Variants in CADM1 observed in about 807,000 individuals in gnomAD.
CADM1 encodes TSLC-1.
In CADM1, 15 loss-of-function variants were observed where a neutral mutation model predicts 53.1. The observed-to-expected ratio is 0.28, with a 90% CI of 0.19 to 0.44. CADM1 has a LOEUF of 0.44. Among genes scored for constraint, CADM1 ranks in the 20% least tolerant of loss-of-function variants. The pLI is 1.00. For synonymous variants in CADM1, 281 were observed against 243.0 expected (o/e 1.16, Z -1.45); for missense variants, 434 against 611.3 (o/e 0.71, Z 3.06).
chr11:115,380,493 T>G (rs1480237737), intron 1 of CADM1, among the ~76,000 whole-genome samples: 1 of 152,176 alleles, frequency 6.6e-6, no homozygotes, highest in East Asian at 1.9e-4. Flanking sequence ...ACCAAGTGAT[T>G]TAAGGGGAAA....
rs1453909993 is a variant in CADM1 at position 115,446,836 on chromosome 11, A to G, written c.124+57435T>C. Reference sequence around the variant, plus strand: ...GAGGAGAGAAGCTAGGTTGAGAAAAAGTAACATTTCAAATAAAAAACCAGG... The same window carrying G: ...GAGGAGAGAAGCTAGGTTGAGAAAAGGTAACATTTCAAATAAAAAACCAGG... On this transcript the variant is annotated intron_variant, in intron 1 of 11. Transcript: ENST00000331581. Among the ~76,000 whole-genome samples, 5 of 152,144 alleles carry G rather than the reference A, an allele frequency of 3.3e-5. No individual in the cohort carries two copies. The East Asian group carries it at 9.6e-4, about 29-fold the overall frequency.
intron 8 of CADM1, among the ~76,000 whole-genome samples, chr11:115,204,262 C>G (rs1183015642): frequency 1.3e-5 from 2 of 152,164 alleles, no homozygotes; most frequent in Non-Finnish European, 1.5e-5. Context: ...CCTTTCTTAT[C>G]CACATTTTGT....
intron 1 of CADM1, among the ~76,000 whole-genome samples, chr11:115,365,618 T>C (rs1946137204): frequency 6.6e-6 from 1 of 152,136 alleles, no homozygotes; most frequent in South Asian, 2.1e-4. Context: ...GTATTTATAA[T>C]TTGTTATGAC....
At chr11:115,236,772 G>A (rs937103443) in intron 3 of CADM1, among the ~76,000 whole-genome samples, 3 of 151,908 alleles carry the variant, frequency 2.0e-5, no homozygotes, top group African/African-American at 4.8e-5. Flanking sequence ...AAAAGCATTC[G>A]GTATTTAACT....
intron 1 of CADM1, among the ~76,000 whole-genome samples, chr11:115,338,709 T>C (rs1945331952): frequency 6.6e-6 from 1 of 152,028 alleles, no homozygotes; most frequent in Admixed American, 6.6e-5. Flanking sequence ...CCTTCAGTAT[T>C]GGGCAATTAC....
chr11:115,441,550 A>G (rs17451219), intron 1 of CADM1, among the ~76,000 whole-genome samples: 22,501 of 152,186 alleles, frequency 0.15, 1,878 homozygotes, highest in Non-Finnish European at 0.19. Flanking sequence ...TACATTGAGG[A>G]ATTTTTGTGT....
chr11:115,381,451 AC>A (rs1490495106), intron 1 of CADM1, among the ~76,000 whole-genome samples: 1 of 152,198 alleles, frequency 6.6e-6, no homozygotes, highest in Non-Finnish European at 1.5e-5. Context: ...CACAAGGTTA[AC>A]CCACTAATCA....
chr11:115,265,719 A>T (rs2135030225), intron 1 of CADM1, among the ~76,000 whole-genome samples: 1 of 152,328 alleles, frequency 6.6e-6, no homozygotes, highest in East Asian at 1.9e-4. Context: ...GGGAAATCAT[A>T]AAAAGAGATA....
rs753584769 is a variant in CADM1 at position 115,209,599 on chromosome 11, G to A, written c.1053C>T (p.Thr351=). 1.2e-6 allele frequency: 2 copies of A among 1,606,886 alleles called. No homozygotes were observed. Among genetic ancestry groups the A allele is most frequent in the Non-Finnish European group, 1.7e-6 (2 of 1,175,398 alleles). Residue 351 remains threonine, a synonymous_variant, in exon 8 of 12, where the codon ACC becomes ACT. Transcript: ENST00000331581. Reference sequence around the variant, plus strand: ...CTGTGATGATGGTAAGGATGGTGGTGGTGGTGGTGGTGGTGGTGGTGGTGG... The same window carrying A: ...CTGTGATGATGGTAAGGATGGTGGTAGTGGTGGTGGTGGTGGTGGTGGTGG... ...TTTTTTTTTT[T]TTILTIITDT...
At chr11:115,268,952 G>A (rs375100249) in intron 1 of CADM1, among the ~76,000 whole-genome samples, 18 of 152,154 alleles carry the variant, frequency 1.2e-4, no homozygotes, top group East Asian at 9.7e-4. Context: ...ACCATATTGC[G>A]CTCTTCTGGT....
chr11:115,342,743 T>C (rs557764177), intron 1 of CADM1, among the ~76,000 whole-genome samples: 15 of 152,274 alleles, frequency 9.9e-5, no homozygotes, highest in African/African-American at 2.6e-4. Context: ...TCACATTGCA[T>C]ATTTTACCAC....
At chr11:115,226,430 C>T (rs775774656) in intron 5 of CADM1, among the ~76,000 whole-genome samples, 2 of 152,080 alleles carry the variant, frequency 1.3e-5, no homozygotes, top group Non-Finnish European at 2.9e-5. Flanking sequence ...AGGTCTATAG[C>T]TATCAAAGGG....
At chr11:115,462,686 A>G (rs1345469745) in intron 1 of CADM1, among the ~76,000 whole-genome samples, 4 of 152,222 alleles carry the variant, frequency 2.6e-5, no homozygotes, top group Admixed American at 2.0e-4. Context: ...AAGTATCTGA[A>G]TATCAACGAG....
chr11:115,350,917 C>T (rs989730150), intron 1 of CADM1, among the ~76,000 whole-genome samples: 6 of 129,988 alleles, frequency 4.6e-5, no homozygotes, highest in African/African-American at 1.1e-4. Context: ...CATTCTTTTA[C>T]GAGAAGTTAA....
At chr11:115,356,751 T>G (rs1945882274) in intron 1 of CADM1, among the ~76,000 whole-genome samples, 1 of 152,218 alleles carries the variant, frequency 6.6e-6, no homozygotes, top group Non-Finnish European at 1.5e-5. Flanking sequence ...AAAAAACTTT[T>G]GTCAGTGTTT....
chr11:115,497,358 C>T (rs905567328), intron 1 of CADM1, among the ~76,000 whole-genome samples: 5 of 152,224 alleles, frequency 3.3e-5, no homozygotes, highest in African/African-American at 1.2e-4. Context: ...ATAATCACCT[C>T]ATTCAAGACA....
intron 1 of CADM1, among the ~76,000 whole-genome samples, chr11:115,275,053 A>C (rs1943406696): frequency 6.6e-6 from 1 of 152,224 alleles, no homozygotes; most frequent in Admixed American, 6.5e-5. Context: ...TCAAGAGAAA[A>C]AATGAGCATG....
intron 1 of CADM1, among the ~76,000 whole-genome samples, chr11:115,273,436 G>A (rs1228161276): frequency 1.3e-5 from 2 of 152,066 alleles, no homozygotes; most frequent in Non-Finnish European, 2.9e-5. Context: ...TGAGAAACAA[G>A]AAGTCATACC....
At chr11:115,487,191 A>G (rs2135420236) in intron 1 of CADM1, among the ~76,000 whole-genome samples, 1 of 152,344 alleles carries the variant, frequency 6.6e-6, no homozygotes, top group South Asian at 2.1e-4. Flanking sequence ...TTTTTCAAAG[A>G]GAATCTTATG....
Sources: allele counts gnomAD v4.1 joint callset (sites outside exome capture counted in the v4.1 genomes callset), GRCh38; gene constraint gnomAD v4.1.1; transcripts MANE v1.5; gene names NCBI Gene and HGNC (gene_info 2026-07-23, HGNC 2026-07-21).